The following CADM1 variants were observed in gnomAD, a reference collection of about 807,000 sequenced individuals.
The protein encoded by CADM1 is TSLC-1.
In CADM1, 15 loss-of-function variants were observed where a neutral mutation model predicts 53.1. That is an observed-to-expected ratio of 0.28 (90% confidence interval 0.19 to 0.44). The LOEUF (loss-of-function observed/expected upper bound fraction) is 0.44, where lower values mean the gene tolerates loss of function less well. Ranked by LOEUF, CADM1 falls within the 20% of genes least tolerant of loss-of-function variation. The pLI, the probability that CADM1 is intolerant of heterozygous loss-of-function variation, is 1.00. For synonymous variants in CADM1, 281 were observed against 243.0 expected, an observed-to-expected ratio of 1.16 and a Z score of -1.45; for missense variants, 434 against 611.3, an observed-to-expected ratio of 0.71 and a Z score of 3.06.
intron 1 of CADM1, among the ~76,000 whole-genome samples, chr11:115,289,884 C>T (rs1591675774): frequency 6.6e-6 from 1 of 152,186 alleles, no homozygotes; most frequent in African/African-American, 2.4e-5. Flanking sequence ...CGTGAACCAC[C>T]GCGCCCGGCC....
rs566372137 is a variant in CADM1 at position 115,242,439 on chromosome 11, A to G, written c.125-2019T>C. Among the ~76,000 whole-genome samples the G allele has an allele frequency of 1.4e-3, 212 of 152,228 alleles. 2 individuals carry two copies. The highest frequency in any genetic ancestry group is 5.0e-3 in the African/African-American group (206 of 41,530). ...CCAGCTGGAGAAAGTTTATTCCCAG[A>G]TTGGAGAAAAGAAAAAGGAGAAGAA... On this transcript the variant is annotated intron_variant, in intron 1 of 11. Transcript: ENST00000331581.
chr11:115,334,294 C>A (rs1945206494), intron 1 of CADM1, among the ~76,000 whole-genome samples: 1 of 152,058 alleles, frequency 6.6e-6, no homozygotes, highest in African/African-American at 2.4e-5. Flanking sequence ...TCACATTTCC[C>A]TTTAGAAAGA....
intron 1 of CADM1, among the ~76,000 whole-genome samples, chr11:115,302,555 T>C (rs983208721): frequency 1.3e-5 from 2 of 152,090 alleles, no homozygotes; most frequent in African/African-American, 4.8e-5. Context: ...ATAGTATGTG[T>C]TAGCTTTGTA....
In CADM1 at chr11:115,261,358, C is replaced by T. The variant is rs142351091; in HGVS notation, c.125-20938G>A. ...TCCCAGGACCTCTGTACCACTACTT[C>T]TTAGAATTAATGCCTCTCTCAAAAA... On this transcript the variant is annotated intron_variant, in intron 1 of 11. Coordinates refer to ENST00000331581, the MANE Select transcript of CADM1 (RefSeq NM_001301043.2). Among the ~76,000 whole-genome samples, 147 of 152,288 alleles carry T rather than the reference C, an allele frequency of 9.7e-4. 2 individuals are homozygous for T. The highest frequency in any genetic ancestry group is 3.5e-3 in the African/African-American group (145 of 41,560).
At chr11:115,439,626 G>A (rs1173860313) in intron 1 of CADM1, among the ~76,000 whole-genome samples, 1 of 152,172 alleles carries the variant, frequency 6.6e-6, no homozygotes, top group Non-Finnish European at 1.5e-5. Context: ...AATATTGAAG[G>A]CATAAATTAT....
chr11:115,174,208 A>AGT lies in CADM1; in HGVS notation c.*2265_*2266insAC, dbSNP rs1938908158. The AGT allele has an allele frequency of 1.0e-6, 1 of 985,324 alleles. No individual in the cohort carries two copies. Among genetic ancestry groups the AGT allele is most frequent in the Non-Finnish European group, 1.2e-6 (1 of 829,908 alleles). 61.0% of individuals were successfully genotyped at this position (985,324 alleles called of 1,614,324 possible). On this transcript the variant is annotated 3_prime_UTR_variant, in exon 12 of 12. Transcript: ENST00000331581. Reference sequence around the variant, plus strand: ...AACACTGCACTACTGTACACTTTTCAAAACAGAAAGATGGGAGGTCCCAAA... The same window carrying AGT: ...AACACTGCACTACTGTACACTTTTCAGTAAACAGAAAGATGGGAGGTCCCAAA...
At chr11:115,351,069 T>C (rs1945722541) in intron 1 of CADM1, among the ~76,000 whole-genome samples, 1 of 152,012 alleles carries the variant, frequency 6.6e-6, no homozygotes, top group Non-Finnish European at 1.5e-5. Context: ...CCTGTTAAAA[T>C]AATTACATCA....
intron 1 of CADM1, among the ~76,000 whole-genome samples, chr11:115,494,401 AAC>A (rs1949566092): frequency 1.3e-5 from 2 of 152,286 alleles, no homozygotes; most frequent in South Asian, 4.1e-4. Flanking sequence ...TAGCTACAGA[AAC>A]ACCATTTCTT....
chr11:115,218,196 A>G (rs1941266853), intron 5 of CADM1: 1 of 566,938 alleles, frequency 1.8e-6, no homozygotes, highest in South Asian at 1.9e-5. Flanking sequence ...CCGCAAATAG[A>G]TAAGAGATTC....
At chr11:115,266,381 C>T (rs930155716) in intron 1 of CADM1, among the ~76,000 whole-genome samples, 3 of 152,220 alleles carry the variant, frequency 2.0e-5, no homozygotes, top group African/African-American at 7.2e-5. Context: ...CTCTGTGCAG[C>T]ACTCCTGTGC....
At chr11:115,207,833 G>A (rs1940768776) in intron 8 of CADM1, among the ~76,000 whole-genome samples, 1 of 152,298 alleles carries the variant, frequency 6.6e-6, no homozygotes, top group East Asian at 1.9e-4. Flanking sequence ...GTTAATATAT[G>A]TAGGGCAATG....
intron 1 of CADM1, among the ~76,000 whole-genome samples, chr11:115,243,572 G>A (rs1042275724): frequency 6.6e-6 from 1 of 152,190 alleles, no homozygotes; most frequent in African/African-American, 2.4e-5. Context: ...GAATGACAGT[G>A]ATGAAAATAC....
chr11:115,381,033 G>T (rs1946562098), intron 1 of CADM1, among the ~76,000 whole-genome samples: 1 of 152,044 alleles, frequency 6.6e-6, no homozygotes, highest in African/African-American at 2.4e-5. Context: ...AGGCAAGGTG[G>T]CTCATGCCTG....
rs34112529 is a variant in CADM1, at chr11:115,416,698, T to TACACACACACAC, written c.124+87561_124+87572dup. Among the ~76,000 whole-genome samples the TACACACACACAC allele has an allele frequency of 6.0e-3, 849 of 141,450 alleles. 6 individuals carry two copies. Among genetic ancestry groups the TACACACACACAC allele is most frequent in the African/African-American group, 0.019 (705 of 37,932 alleles). 92.8% of individuals were successfully genotyped at this position (141,450 alleles called of 152,430 possible). ...ATGCTGGTCAGTTGTAAGGATTAAA[T>TACACACACACAC]ACACACACACACACACACACACACA... On this transcript the variant is annotated intron_variant, in intron 1 of 11. Coordinates refer to ENST00000331581, the MANE Select transcript of CADM1 (RefSeq NM_001301043.2).
intron 1 of CADM1, among the ~76,000 whole-genome samples, chr11:115,329,505 C>T (rs949991751): frequency 6.6e-6 from 1 of 152,090 alleles, no homozygotes; most frequent in Non-Finnish European, 1.5e-5. Context: ...GCTCTAACAC[C>T]TTATGGGAGG....
intron 8 of CADM1, among the ~76,000 whole-genome samples, chr11:115,199,648 A>G (rs1006577678): frequency 6.6e-6 from 1 of 152,154 alleles, no homozygotes; most frequent in Non-Finnish European, 1.5e-5. Context: ...CCTCATTCCA[A>G]TGTCAACCCA....
intron 1 of CADM1, among the ~76,000 whole-genome samples, chr11:115,365,956 T>C (rs188593496): frequency 3.0e-4 from 45 of 152,326 alleles, no homozygotes; most frequent in Non-Finnish European, 5.9e-4. Context: ...TACTGATTGA[T>C]TGGGCATTTG....
At position 115,349,967 on chromosome 11, in the gene CADM1, T is replaced by C. The variant is rs1325810290; in HGVS notation, c.125-109547A>G. Among the ~76,000 whole-genome samples, 4 of 152,040 alleles carry C rather than the reference T, an allele frequency of 2.6e-5. No individual in the cohort carries two copies. In the East Asian group the frequency reaches 7.7e-4, roughly 29 times the overall value. On this transcript the variant is annotated intron_variant, in intron 1 of 11. Coordinates refer to ENST00000331581, the MANE Select transcript of CADM1 (RefSeq NM_001301043.2). ...ATAGCCTTACCATCTTTTTCTTTGT[T>C]TGTTTTGTTTTTTGTTTTTTTGAGA...
intron 1 of CADM1, among the ~76,000 whole-genome samples, chr11:115,500,193 T>C (rs1015634581): frequency 6.6e-6 from 1 of 152,242 alleles, no homozygotes; most frequent in Admixed American, 6.5e-5. Context: ...TGGATTTATT[T>C]TGAATTTTCT....
Sources: gnomAD v4.1 joint callset for allele counts (sites outside exome capture counted in the v4.1 genomes callset) on GRCh38, gnomAD v4.1.1 for gene constraint, MANE v1.5 for transcripts, NCBI Gene and HGNC (gene_info 2026-07-23, HGNC 2026-07-21) for gene names.